FASTKD1: variants seen among roughly 807,000 people sequenced by gnomAD.
FASTKD1 encodes FAST kinase domain-containing protein 1, mitochondrial.
In FASTKD1, 94 loss-of-function variants were observed where a neutral mutation model predicts 90.9. That is an observed-to-expected ratio of 1.03 (90% CI 0.88 to 1.23). The LOEUF (loss-of-function observed/expected upper bound fraction) is 1.23, where lower values mean the gene tolerates loss of function less well. FASTKD1 is among the 50% of genes most tolerant of loss of function. The pLI, the probability that FASTKD1 is intolerant of heterozygous loss-of-function variation, is 0.00. For synonymous variants in FASTKD1, 319 were observed against 345.8 expected (o/e 0.92, Z 0.86); for missense variants, 945 against 993.5 (o/e 0.95, Z 0.66).
At chr2:169,544,261 A>T (rs1225031846) in intron 9 of FASTKD1, among the ~76,000 whole-genome samples, 1 of 152,192 alleles carries the variant, frequency 6.6e-6, no homozygotes, top group African/African-American at 2.4e-5. Flanking sequence ...ATTTTTCATA[A>T]TTAAAATGGA....
chr2:169,557,155 A>T (rs1459283194), intron 6 of FASTKD1, 32 bp downstream of exon 6: 1 of 1,389,604 alleles, frequency 7.2e-7, no homozygotes, highest in South Asian at 1.2e-5. Flanking sequence ...GAATGACAAC[A>T]AACTTAACGT....
chr2:169,535,235 T>A (rs907241121), intron 12 of FASTKD1, among the ~76,000 whole-genome samples: 4 of 152,038 alleles, frequency 2.6e-5, no homozygotes, highest in Non-Finnish European at 4.4e-5. Context: ...GAGGCTAGAG[T>A]GCAGTAGCGT....
At position 169,563,351 on chromosome 2, in the gene FASTKD1, C is replaced by A. The variant is rs757005974; in HGVS notation, c.447-1G>T. 1 of 1,584,452 alleles carries A rather than the reference C, an allele frequency of 6.3e-7. No individual in the cohort carries two copies. The highest frequency in any genetic ancestry group is 8.6e-7 in the Non-Finnish European group (1 of 1,156,456). Reference sequence around the variant, plus strand: ...TTCTGAGAGCAGTTTAATATCAAACCTATTAAAGGAAATATACAAAGGAGA... The same window carrying A: ...TTCTGAGAGCAGTTTAATATCAAACATATTAAAGGAAATATACAAAGGAGA... On this transcript the variant is annotated splice_acceptor_variant, in intron 3 of 14. Coordinates refer to ENST00000453153, the MANE Select transcript of FASTKD1 (RefSeq NM_024622.6). LOFTEE classifies it high-confidence loss of function.
chr2:169,554,596 G>A (rs1410807378), intron 7 of FASTKD1, among the ~76,000 whole-genome samples: 1 of 118,074 alleles, frequency 8.5e-6, no homozygotes, highest in Non-Finnish European at 2.0e-5. Context: ...CTGGGGAGGC[G>A]GAGGTTGCAG....
intron 5 of FASTKD1, among the ~76,000 whole-genome samples, chr2:169,558,110 T>C (rs1294719176): frequency 1.3e-5 from 2 of 152,252 alleles, no homozygotes; most frequent in Non-Finnish European, 2.9e-5. Context: ...TTACAGTATT[T>C]ACATATTTCA....
chr2:169,531,062 A>C (rs1489123342), intron 13 of FASTKD1: 1 of 683,904 alleles, frequency 1.5e-6, no homozygotes, highest in Admixed American at 1.8e-5. Flanking sequence ...GAAGTGGCTA[A>C]GTGCTATGAG....
chr2:169,557,362 A>G (rs563025096), intron 5 of FASTKD1, 65 bp from the exon 6 acceptor site: 5 of 829,394 alleles, frequency 6.0e-6, no homozygotes, highest in Admixed American at 5.3e-5. Context: ...TTTTTTTTAA[A>G]TAACAGTTCT....
At chr2:169,549,674 C>G (rs1685405627) in intron 7 of FASTKD1, among the ~76,000 whole-genome samples, 1 of 151,966 alleles carries the variant, frequency 6.6e-6, no homozygotes, top group Non-Finnish European at 1.5e-5. Flanking sequence ...GCTTTATTGC[C>G]CAGGCTGGTC....
At position 169,529,202 on chromosome 2, in the gene FASTKD1, C is replaced by A. The variant is rs546147245; in HGVS notation, c.*623G>T. ...GTGATCAACCCCCACCACCTGCCCC[C>A]CATCTTGCTCTTCCTATAGACTATC... is the stretch of plus-strand genomic sequence containing the variant. On this transcript the variant is annotated 3_prime_UTR_variant, in exon 15 of 15. Transcript: ENST00000453153. Among the ~76,000 whole-genome samples the A allele has an allele frequency of 1.1e-3, 161 of 152,046 alleles. No homozygotes were observed. The highest frequency in any genetic ancestry group is 3.8e-3 in the African/African-American group (156 of 41,462).
At chr2:169,565,249 CTTTTTTTTTTTTTTT>C (rs71003101) in intron 3 of FASTKD1, among the ~76,000 whole-genome samples, 15 of 26,554 alleles carry the variant, frequency 5.6e-4, no homozygotes, top group African/African-American at 1.8e-3. Context: ...CCACACCAGG[CTTTTTTTTTTTTTTT>C]TTTTTTTTTT....
chr2:169,549,144 C>G (rs961496831), intron 7 of FASTKD1, among the ~76,000 whole-genome samples: 1 of 151,934 alleles, frequency 6.6e-6, no homozygotes, highest in Non-Finnish European at 1.5e-5. Flanking sequence ...CCTGTAATCC[C>G]ATCCCTTTGG....
At chr2:169,559,028 G>A (rs1683461498) in intron 5 of FASTKD1, among the ~76,000 whole-genome samples, 1 of 148,558 alleles carries the variant, frequency 6.7e-6, no homozygotes, top group African/African-American at 2.5e-5. Flanking sequence ...AGGCTGGAGT[G>A]TAATGGCGCG....
chr2:169,549,945 T>G (rs937254027), intron 7 of FASTKD1, among the ~76,000 whole-genome samples: 1 of 152,212 alleles, frequency 6.6e-6, no homozygotes. Flanking sequence ...TTTAATTTTA[T>G]CATTTGACAT....
intron 4 of FASTKD1, among the ~76,000 whole-genome samples, 159 bp from the exon 5 acceptor site, chr2:169,560,944 A>G (rs1318985337): frequency 2.0e-5 from 3 of 148,458 alleles, no homozygotes; most frequent in African/African-American, 7.4e-5. Context: ...CAGCCTCCCA[A>G]AGTGCTGGGA....
Position 169,560,425 on chromosome 2 carries a change from TACAA to T in FASTKD1, c.929_932del (p.Phe310Ter). 3 of 1,567,956 alleles carry T rather than the reference TACAA, an allele frequency of 1.9e-6. No homozygotes were observed. In the South Asian group the frequency reaches 3.7e-5, roughly 19 times the overall value. On this transcript the variant is annotated frameshift_variant, in exon 5 of 15. Transcript: ENST00000453153. LOFTEE classifies it high-confidence loss of function. ...CAGGTCCTGCAATGGGTCCCAATGC[TACAA>T]ACAATTTTACAAAGCTAGCAGGATG...
At chr2:169,568,418 T>C (rs535782349) in intron 3 of FASTKD1, among the ~76,000 whole-genome samples, 1 of 151,810 alleles carries the variant, frequency 6.6e-6, no homozygotes, top group Non-Finnish European at 1.5e-5. Flanking sequence ...TTATTTATAT[T>C]TCAACTAATT....
In FASTKD1 at chr2:169,544,704, C is replaced by A. The variant is rs1475990193; in HGVS notation, c.1816+17G>T. The stretch of plus-strand genomic sequence containing the variant: ...TCTGACTTATTCACTCAATGTATTA[C>A]CAAACAATATACCTACCTAAGTAAG... On this transcript the variant is annotated intron_variant, in intron 9 of 14. Transcript: ENST00000453153. 7.2e-7 allele frequency: 1 copy of A among 1,398,046 alleles called. No individual in the cohort carries two copies. Among genetic ancestry groups the A allele is most frequent in the Non-Finnish European group, 1.0e-6 (1 of 985,958 alleles). 86.6% of individuals were successfully genotyped at this position (1,398,046 alleles called of 1,614,324 possible). A position where few individuals can be genotyped will look rare whatever the true frequency, so the allele number is the denominator to read the frequency against.
At chr2:169,564,522 T>C (rs1272848622) in intron 3 of FASTKD1, among the ~76,000 whole-genome samples, 9 of 152,108 alleles carry the variant, frequency 5.9e-5, no homozygotes, top group African/African-American at 1.2e-4. Context: ...AATAAACACA[T>C]CATGAAAAAT....
At chr2:169,538,247 T>A in intron 10 of FASTKD1, 106 bp from the exon 11 acceptor site, 1 of 897,472 alleles carries the variant, frequency 1.1e-6, no homozygotes, top group Non-Finnish European at 1.7e-6. Context: ...GCTTTTATTC[T>A]AACAGTATTT....
Sources: allele counts gnomAD v4.1 joint callset (sites outside exome capture counted in the v4.1 genomes callset), GRCh38; gene constraint gnomAD v4.1.1; transcripts MANE v1.5; gene names NCBI Gene and HGNC (gene_info 2026-07-23, HGNC 2026-07-21).